NR5A1: variants seen among roughly 807,000 people sequenced by gnomAD.
The protein encoded by NR5A1 is nuclear receptor subfamily 5 group A member 1.
A neutral mutation model predicts 42.7 loss-of-function variants in NR5A1; 6 were observed. The ratio of observed to expected loss-of-function variants is 0.14; its 90% CI spans 0.08 to 0.28. NR5A1 has a LOEUF of 0.28. Among genes scored for constraint, NR5A1 ranks in the 10% least tolerant of loss-of-function variants. The pLI, the probability that NR5A1 is intolerant of heterozygous loss-of-function variation, is 1.00. For synonymous variants in NR5A1, 274 were observed against 277.5 expected, an observed-to-expected ratio of 0.99 and a Z score of 0.12; for missense variants, 442 against 626.4, an observed-to-expected ratio of 0.71 and a Z score of 3.14.
Position 124,503,064 on chromosome 9 carries a change from C to A in NR5A1, c.244+15G>T, listed in dbSNP as rs1564153638. 6.4e-7 allele frequency: 1 copy of A among 1,560,426 alleles called. No individual in the cohort carries two copies. The highest frequency in any genetic ancestry group is 8.6e-7 in the Non-Finnish European group (1 of 1,156,842). Reference sequence around the variant, plus strand: ...GCTGTGGGGGGTCAGGGGTCGAGGCCCGCGCGGCGCGCACCTTCCAGGCGC... The same window carrying A: ...GCTGTGGGGGGTCAGGGGTCGAGGCACGCGCGGCGCGCACCTTCCAGGCGC... On this transcript the variant is annotated intron_variant, in intron 3 of 6. Transcript: ENST00000373588. The surrounding 1 kb of genome is among the most constrained non-coding windows in gnomAD (Gnocchi z 9.6).
chr9:124,501,825 A>G lies in NR5A1; in HGVS notation c.245-1110T>C, dbSNP rs1832476446. 6.6e-6 allele frequency among the ~76,000 whole-genome samples: 1 copy of G among 152,040 alleles called. No homozygotes were observed. The highest frequency in any genetic ancestry group is 1.5e-5 in the Non-Finnish European group (1 of 68,010). Reference sequence around the variant, plus strand: ...CTCAGAGCCACCTGGGGCTTTCTACACTGTTCCAAGACCTTAATCAACCAC... The same window carrying G: ...CTCAGAGCCACCTGGGGCTTTCTACGCTGTTCCAAGACCTTAATCAACCAC... On this transcript the variant is annotated intron_variant, in intron 3 of 6. Transcript: ENST00000373588. The surrounding 1 kb of genome is among the most constrained non-coding windows in gnomAD (Gnocchi z 4.1).
chr9:124,483,140 T>C (rs1832155461), intron 6 of NR5A1, 135 bp from the exon 7 acceptor site: 1 of 1,583,908 alleles, frequency 6.3e-7, no homozygotes, highest in Admixed American at 1.7e-5. Context: ...CCACCAACCA[T>C]GCAACATGGT....
Position 124,500,813 on chromosome 9 carries a change from C to G in NR5A1, c.245-98G>C. Reference sequence around the variant, plus strand: ...TCCAAACAAATCTGACCGCTCTCTCCCCTGCTCAACACCCTTTCATGGCTC... The same window carrying G: ...TCCAAACAAATCTGACCGCTCTCTCGCCTGCTCAACACCCTTTCATGGCTC... On this transcript the variant is annotated intron_variant, in intron 3 of 6. Coordinates refer to ENST00000373588, the MANE Select transcript of NR5A1 (RefSeq NM_004959.5). The surrounding 1 kb of genome is among the most constrained non-coding windows in gnomAD (Gnocchi z 6.9). The G allele has an allele frequency of 6.4e-7, 1 of 1,573,596 alleles. No individual in the cohort carries two copies. Among genetic ancestry groups the G allele is most frequent in the East Asian group, 2.2e-5 (1 of 44,508 alleles).
chr9:124,502,977 C>A (rs113486533), intron 3 of NR5A1, 102 bp downstream of exon 3: 24 of 1,425,240 alleles, frequency 1.7e-5, no homozygotes, highest in Non-Finnish European at 2.1e-5. Flanking sequence ...GAGGGGCCTT[C>A]GCGAAGGCCA....
intron 6 of NR5A1, among the ~76,000 whole-genome samples, chr9:124,489,411 T>A (rs927610258): frequency 6.6e-6 from 1 of 152,190 alleles, no homozygotes; most frequent in African/African-American, 2.4e-5. Flanking sequence ...TCCCGGTCCA[T>A]CCCCAGTCAC....
At chr9:124,483,958 C>T (rs1013855800) in intron 6 of NR5A1, among the ~76,000 whole-genome samples, 5 of 152,192 alleles carry the variant, frequency 3.3e-5, no homozygotes, top group Non-Finnish European at 5.9e-5. Context: ...GCTAACCTAT[C>T]GCAAGCTGAA....
rs918277681 is a variant in NR5A1 at position 124,501,870 on chromosome 9, C to G, written c.245-1155G>C. ...AACCACTGCCTGTTCAGCACACAGT[C>G]CAGTGACCGGCCACCTCCAGAAGCT... On this transcript the variant is annotated intron_variant, in intron 3 of 6. Transcript: ENST00000373588. The surrounding 1 kb of genome is among the most constrained non-coding windows in gnomAD (Gnocchi z 4.1). Among the ~76,000 whole-genome samples, 3 of 152,218 alleles carry G rather than the reference C, an allele frequency of 2.0e-5. No individual in the cohort carries two copies. The highest frequency in any genetic ancestry group is 4.8e-5 in the African/African-American group (2 of 41,454).
intron 6 of NR5A1, among the ~76,000 whole-genome samples, chr9:124,490,140 C>T (rs1832283763): frequency 6.6e-6 from 1 of 152,194 alleles, no homozygotes; most frequent in African/African-American, 2.4e-5. Flanking sequence ...CAAAATAATT[C>T]ATTCCCCCAG....
chr9:124,487,681 C>T (rs1186396819), intron 6 of NR5A1, among the ~76,000 whole-genome samples: 1 of 152,206 alleles, frequency 6.6e-6, no homozygotes, highest in Non-Finnish European at 1.5e-5. Flanking sequence ...CTGTCCGGCC[C>T]AGGGCGGAGC....
At chr9:124,491,956 C>A (rs1296748270) in intron 5 of NR5A1, among the ~76,000 whole-genome samples, 1 of 152,144 alleles carries the variant, frequency 6.6e-6, no homozygotes, top group Non-Finnish European at 1.5e-5. Flanking sequence ...CCTGCGGACA[C>A]CCACACTTCA....
At chr9:124,497,908 T>C (rs933798330) in intron 4 of NR5A1, among the ~76,000 whole-genome samples, 3 of 152,234 alleles carry the variant, frequency 2.0e-5, no homozygotes, top group African/African-American at 7.2e-5. Flanking sequence ...TTAGAGCTGT[T>C]TGCTCTCCCC....
rs966636053 is a variant in NR5A1, at chr9:124,503,989, C to T, written c.-15-579G>A. Among the ~76,000 whole-genome samples the T allele has an allele frequency of 7.2e-6, 1 of 139,506 alleles. No individual in the cohort carries two copies. Among genetic ancestry groups the T allele is most frequent in the Non-Finnish European group, 1.5e-5 (1 of 66,314 alleles). The allele number at this position is 139,506 out of a possible 152,430, so 91.5% of individuals were successfully genotyped here. A position where few individuals can be genotyped will look rare whatever the true frequency, so the allele number is the denominator to read the frequency against. On this transcript the variant is annotated intron_variant, in intron 1 of 6. Coordinates refer to ENST00000373588, the MANE Select transcript of NR5A1 (RefSeq NM_004959.5). This position sits in a 1 kb window ranked among gnomAD's most constrained non-coding sequence, Gnocchi z 9.6. Reference sequence around the variant, plus strand: ...CCAGCTAGAGAGAACCCGGCGGGGACGAGACACAGGGAGGGATGGAGAGAG... The same window carrying T: ...CCAGCTAGAGAGAACCCGGCGGGGATGAGACACAGGGAGGGATGGAGAGAG...
At position 124,503,496 on chromosome 9, in the gene NR5A1, G is replaced by T; in HGVS notation, c.-15-86C>A. On this transcript the variant is annotated intron_variant, in intron 1 of 6. Transcript: ENST00000373588. The surrounding 1 kb of genome is among the most constrained non-coding windows in gnomAD (Gnocchi z 9.6). ...GCCGCCGCCCCAGCCGCTGTCGCCG[G>T]CCCGTCGCGTAATCCCCTCTCTGTG... 1 of 1,125,362 alleles carries T rather than the reference G, an allele frequency of 8.9e-7. No homozygotes were observed. The highest frequency in any genetic ancestry group is 1.2e-6 in the Non-Finnish European group (1 of 802,854). The allele number at this position is 1,125,362 out of a possible 1,614,324, so 69.7% of individuals were successfully genotyped here.
chr9:124,494,799 C>A (rs1832364487), intron 4 of NR5A1, among the ~76,000 whole-genome samples: 1 of 152,088 alleles, frequency 6.6e-6, no homozygotes, highest in South Asian at 2.1e-4. Context: ...AAGGGCCACT[C>A]CCCACCTGGG....
chr9:124,485,862 T>G lies in NR5A1; in HGVS notation c.1139-2857A>C, dbSNP rs1247704446. Among the ~76,000 whole-genome samples the G allele has an allele frequency of 4.6e-5, 7 of 152,312 alleles. No individual in the cohort carries two copies. The East Asian group carries it at 1.4e-3, about 29-fold the overall frequency. On this transcript the variant is annotated intron_variant, in intron 6 of 6. Transcript: ENST00000373588. ...CATCTGCCTTCGCTCCCCACCATCC[T>G]GGGCTGAGCAAGTCTCCTGACATTC...
intron 3 of NR5A1, 94 bp downstream of exon 3, chr9:124,502,985 C>A (rs1410069810): frequency 4.1e-6 from 6 of 1,467,032 alleles, no homozygotes; most frequent in Non-Finnish European, 4.5e-6. Flanking sequence ...TTCGCGAAGG[C>A]CAATGGTACT....
chr9:124,502,141 G>A (rs1032004680), intron 3 of NR5A1, among the ~76,000 whole-genome samples: 2 of 152,046 alleles, frequency 1.3e-5, no homozygotes, highest in African/African-American at 2.4e-5. Context: ...GGGGCTGGGC[G>A]GTGGTGGTGG....
chr9:124,483,682 G>A (rs567803211), intron 6 of NR5A1, among the ~76,000 whole-genome samples: 109 of 152,244 alleles, frequency 7.2e-4, no homozygotes, highest in African/African-American at 2.5e-3. Flanking sequence ...CTCCATGACC[G>A]TTGCCATCCG....
chr9:124,497,804 C>T (rs376269467), intron 4 of NR5A1, among the ~76,000 whole-genome samples: 3 of 152,222 alleles, frequency 2.0e-5, no homozygotes, highest in East Asian at 3.8e-4. Flanking sequence ...CTTCACATTT[C>T]GGGACCTTCG....
Sources: gnomAD v4.1 joint callset for allele counts (sites outside exome capture counted in the v4.1 genomes callset) on GRCh38, gnomAD v4.1.1 for gene constraint, Gnocchi (gnomAD v3.1) non-coding constraint, MANE v1.5 for transcripts, NCBI Gene and HGNC (gene_info 2026-07-23, HGNC 2026-07-21) for gene names.